The following NUP205 variants were observed in gnomAD, a reference collection of about 807,000 sequenced individuals.
NUP205 encodes the protein nuclear pore complex protein Nup205.
NUP205 carries 76 observed loss-of-function variants against 253.8 expected under a neutral mutation model. The ratio of observed to expected loss-of-function variants is 0.30; its 90% CI spans 0.25 to 0.36. NUP205 has a LOEUF of 0.36. Among genes scored for constraint, NUP205 ranks in the 10% least tolerant of loss-of-function variants. The pLI is 1.00. For missense variants in NUP205, 2,162 were observed against 2,425.5 expected, an observed-to-expected ratio of 0.89 and a Z score of 2.28; for synonymous variants, 832 against 850.1, an observed-to-expected ratio of 0.98 and a Z score of 0.37.
chr7:135,643,351 T>C lies in NUP205; in HGVS notation c.5552T>C (p.Ile1851Thr). The change falls in exon 39 of 43, where the codon ATA becomes ACA. Residue 1851 changes from isoleucine (I) to threonine (T), a missense_variant. Transcript: ENST00000285968. ...GTAGAGCAGCTTCCCCCAGATGAGA[T>C]AAAAGAGGTACGAATCTTATAATGA... ...QNVEQLPPDE[I>T]KELCQSVMPA... The C allele has an allele frequency of 6.2e-7, 1 of 1,613,586 alleles. No individual in the cohort carries two copies. The highest frequency in any genetic ancestry group is 8.5e-7 in the Non-Finnish European group (1 of 1,179,726).
intron 12 of NUP205, among the ~76,000 whole-genome samples, 163 bp from the exon 13 acceptor site, chr7:135,594,384 G>C (rs1793770766): frequency 6.6e-6 from 1 of 152,070 alleles, no homozygotes. Flanking sequence ...GATCTGATTT[G>C]ATGTGTTGGT....
intron 2 of NUP205, among the ~76,000 whole-genome samples, chr7:135,572,022 G>A (rs1167089050): frequency 1.8e-4 from 27 of 151,926 alleles, no homozygotes; most frequent in Admixed American, 1.4e-3. Context: ...GTGTGCCACC[G>A]TGCCCAGCTA....
At chr7:135,589,291 G>GC (rs2129490201) in intron 10 of NUP205, among the ~76,000 whole-genome samples, 1 of 149,046 alleles carries the variant, frequency 6.7e-6, no homozygotes, top group East Asian at 2.0e-4. Flanking sequence ...CAGATCAGAT[G>GC]CCTTTTTTTT....
intron 1 of NUP205, among the ~76,000 whole-genome samples, chr7:135,570,812 A>T (rs190485316): frequency 3.0e-5 from 2 of 65,858 alleles, no homozygotes; most frequent in Admixed American, 2.1e-4. Context: ...AATATATATT[A>T]ATTATATTAA....
At chr7:135,610,323 C>T (rs34633757) in intron 22 of NUP205, among the ~76,000 whole-genome samples, 18,931 of 152,224 alleles carry the variant, frequency 0.12, 1,309 homozygotes, top group Non-Finnish European at 0.17. Context: ...CGGGTTCAAG[C>T]GATTCTCCTG....
intron 18 of NUP205, among the ~76,000 whole-genome samples, chr7:135,603,892 C>A (rs1794023924): frequency 6.6e-6 from 1 of 152,150 alleles, no homozygotes; most frequent in Non-Finnish European, 1.5e-5. Context: ...GGAAAGGAAG[C>A]AGACTTTTCA....
At chr7:135,567,665 A>G (rs1805822823) in intron 1 of NUP205, among the ~76,000 whole-genome samples, 1 of 152,066 alleles carries the variant, frequency 6.6e-6, no homozygotes. Context: ...TCATTGAGTT[A>G]TAATGTATTT....
intron 10 of NUP205, among the ~76,000 whole-genome samples, chr7:135,590,899 TC>T: frequency 6.6e-6 from 1 of 152,202 alleles, no homozygotes; most frequent in Non-Finnish European, 1.5e-5. Context: ...AGTTCTCAGT[TC>T]CAACTAGTGA....
chr7:135,604,829 G>A (rs1022070877), intron 19 of NUP205, among the ~76,000 whole-genome samples: 3 of 152,180 alleles, frequency 2.0e-5, no homozygotes, highest in East Asian at 3.8e-4. Context: ...TGAATATTTC[G>A]TTGTTGTAAG....
chr7:135,569,225 C>T (rs1025357696), intron 1 of NUP205, among the ~76,000 whole-genome samples: 1 of 152,168 alleles, frequency 6.6e-6, no homozygotes, highest in African/African-American at 2.4e-5. Context: ...CGCGTGCCAC[C>T]ACGCTTGGCT....
chr7:135,616,320 G>A (rs1340003051), intron 24 of NUP205, among the ~76,000 whole-genome samples: 1 of 152,168 alleles, frequency 6.6e-6, no homozygotes, highest in Non-Finnish European at 1.5e-5. Flanking sequence ...TACTGAGCCA[G>A]CATGACCTAA....
intron 34 of NUP205, among the ~76,000 whole-genome samples, chr7:135,629,385 A>G (rs897094530): frequency 6.6e-6 from 1 of 151,918 alleles, no homozygotes; most frequent in African/African-American, 2.4e-5. Context: ...CCATGCCTGT[A>G]ATCCCAGCAC....
intron 24 of NUP205, 119 bp from the exon 25 acceptor site, chr7:135,616,536 C>A: frequency 2.0e-6 from 1 of 500,074 alleles, no homozygotes; most frequent in South Asian, 4.1e-5. Flanking sequence ...TTGCACAGGG[C>A]TCTTTGATGT....
Position 135,557,949 on chromosome 7 carries a change from C to T in NUP205, c.5C>T (p.Ala2Val), listed in dbSNP as rs769065044. 29 of 1,613,492 alleles carry T rather than the reference C, an allele frequency of 1.8e-5. No individual in the cohort carries two copies. In the South Asian group the frequency reaches 3.0e-4, roughly 16 times the overall value. Residue 2 changes from alanine to valine, a missense_variant, in exon 1 of 43, where the codon GCG (alanine) becomes GTG (valine). Ala to Val is a moderately conservative substitution (Grantham distance 64). Transcript: ENST00000285968. MATPLAVNSAAS... is the reference protein window; with the variant it reads MVTPLAVNSAAS... ...CTCTGTTAGTGCGCCTCTAAGATGG[C>T]GACGCCTTTGGCGGTAAATTCGGGT... is the stretch of plus-strand genomic sequence containing the variant.
Position 135,619,638 on chromosome 7 carries a change from T to G in NUP205, c.4179T>G (p.Asp1393Glu). Reference protein sequence around the residue: ...NPLVGFASIGDSSLYIILKKL... With the variant: ...NPLVGFASIGESSLYIILKKL... ...TAGTGGGTTTTGCTTCTATTGGAGATTCTTCACTTTACATCATATTGAAGA... is the reference window on the plus strand; with the variant it reads ...TAGTGGGTTTTGCTTCTATTGGAGAGTCTTCACTTTACATCATATTGAAGA... The change falls in exon 29 of 43, where the codon GAT (aspartate) becomes GAG (glutamate). Residue 1393 changes from aspartate to glutamate, a missense_variant. Coordinates refer to ENST00000285968, the MANE Select transcript of NUP205 (RefSeq NM_015135.3). 1 of 1,614,202 alleles carries G rather than the reference T, an allele frequency of 6.2e-7. No individual in the cohort carries two copies. The highest frequency in any genetic ancestry group is 8.5e-7 in the Non-Finnish European group (1 of 1,179,986).
intron 1 of NUP205, among the ~76,000 whole-genome samples, chr7:135,560,016 A>T (rs1407408195): frequency 6.6e-6 from 1 of 151,654 alleles, no homozygotes; most frequent in Non-Finnish European, 1.5e-5. Flanking sequence ...CCGCCACTAC[A>T]CCCAGCTAAT....
At chr7:135,617,298 T>A in intron 26 of NUP205, 51 bp downstream of exon 26, 2 of 1,522,182 alleles carry the variant, frequency 1.3e-6, no homozygotes, top group Non-Finnish European at 9.0e-7. Context: ...GCTCAGACTT[T>A]AAGTCATCAG....
chr7:135,645,726 C>A (rs1447918923), intron 41 of NUP205, 130 bp downstream of exon 41: 4 of 822,370 alleles, frequency 4.9e-6, no homozygotes, highest in Non-Finnish European at 7.6e-6. Flanking sequence ...GCTGTTTAGT[C>A]ACTAGACGTA....
At chr7:135,640,152 C>T (rs1794891339) in intron 38 of NUP205, among the ~76,000 whole-genome samples, 1 of 152,140 alleles carries the variant, frequency 6.6e-6, no homozygotes, top group Non-Finnish European at 1.5e-5. Context: ...GTGCAGCAAA[C>T]CACCATGGCA....
Sources: gnomAD v4.1 joint callset for allele counts (sites outside exome capture counted in the v4.1 genomes callset) on GRCh38, gnomAD v4.1.1 for gene constraint, MANE v1.5 for transcripts, NCBI Gene and HGNC (gene_info 2026-07-23, HGNC 2026-07-21) for gene names.